CENPW: variants seen among roughly 807,000 people sequenced by gnomAD.
CENPW encodes centromere protein W.
A neutral mutation model predicts 11.1 loss-of-function variants in CENPW; 3 were observed. The ratio of observed to expected loss-of-function variants is 0.27; its 90% confidence interval spans 0.12 to 0.70. CENPW has a LOEUF of 0.70. CENPW is among the 30% of genes least tolerant of loss of function. CENPW has a pLI of 0.77. For synonymous variants in CENPW, 38 were observed against 42.0 expected (o/e 0.91, Z 0.37); for missense variants, 100 against 105.6 (o/e 0.95, Z 0.23).
chr6:126,367,563 A>G, the CENPW span, among the ~76,000 whole-genome samples: 4 of 152,200 alleles, frequency 2.6e-5, no homozygotes, highest in Non-Finnish European at 5.9e-5. Context: ...GAGTAACTCC[A>G]GATTAGAGTG....
chr6:126,450,895 C>G, the CENPW span, among the ~76,000 whole-genome samples: 1 of 150,376 alleles, frequency 6.6e-6, no homozygotes, highest in African/African-American at 2.4e-5. Flanking sequence ...TGGTGAATTC[C>G]CATTGTCAGT....
the CENPW span, among the ~76,000 whole-genome samples, chr6:126,465,062 G>C: frequency 1.3e-5 from 2 of 151,928 alleles, no homozygotes; most frequent in African/African-American, 2.4e-5. Flanking sequence ...TGAAAATAAA[G>C]AAGCAAAACT....
chr6:126,406,957 T>C, the CENPW span, among the ~76,000 whole-genome samples: 2 of 152,106 alleles, frequency 1.3e-5, no homozygotes, highest in Non-Finnish European at 2.9e-5. Flanking sequence ...AGTTCCAGGG[T>C]ACATGTGCAG....
the CENPW span, among the ~76,000 whole-genome samples, chr6:126,428,525 T>C: frequency 1.3e-5 from 2 of 152,160 alleles, no homozygotes; most frequent in Non-Finnish European, 2.9e-5. Flanking sequence ...AAAAGAGATC[T>C]CCTGGAAGAT....
chr6:126,362,539 A>G, the CENPW span, among the ~76,000 whole-genome samples: 81 of 151,970 alleles, frequency 5.3e-4, no homozygotes, highest in Non-Finnish European at 1.0e-3. Context: ...GATCTACCCA[A>G]ATTATGTTGG....
the CENPW span, among the ~76,000 whole-genome samples, chr6:126,444,978 T>C: frequency 6.6e-6 from 1 of 151,092 alleles, no homozygotes; most frequent in Non-Finnish European, 1.5e-5. Context: ...CTCCAAGGCA[T>C]TTCTTCTTAG....
the CENPW span, among the ~76,000 whole-genome samples, chr6:126,415,817 G>A: frequency 2.6e-5 from 4 of 152,198 alleles, no homozygotes; most frequent in Non-Finnish European, 2.9e-5. Context: ...ATGTAGAACT[G>A]TCGGTCCAAT....
At chr6:126,411,455 G>A in the CENPW span, among the ~76,000 whole-genome samples, 1 of 152,274 alleles carries the variant, frequency 6.6e-6, no homozygotes, top group East Asian at 1.9e-4. Context: ...TGAGTTTCAT[G>A]TACAGATGCT....
At chr6:126,363,965 A>T in the CENPW span, among the ~76,000 whole-genome samples, 1 of 152,164 alleles carries the variant, frequency 6.6e-6, no homozygotes, top group Admixed American at 6.5e-5. Flanking sequence ...AATTGTACTT[A>T]CTCAACAGTG....
chr6:126,398,780 C>A, the CENPW span, among the ~76,000 whole-genome samples: 2 of 151,302 alleles, frequency 1.3e-5, no homozygotes, highest in African/African-American at 4.9e-5. Context: ...AAGCATAGTA[C>A]CCAATATATA....
chr6:126,458,321 T>G, the CENPW span, among the ~76,000 whole-genome samples: 1 of 151,312 alleles, frequency 6.6e-6, no homozygotes, highest in Admixed American at 6.6e-5. Flanking sequence ...GCAATCATAC[T>G]ATATGTCCCC....
At chr6:126,354,594 G>A in the CENPW span, among the ~76,000 whole-genome samples, 1 of 152,086 alleles carries the variant, frequency 6.6e-6, no homozygotes, top group Non-Finnish European at 1.5e-5. Flanking sequence ...AATTAAAAGT[G>A]CTAGGTCTCC....
At chr6:126,368,249 A>G in the CENPW span, among the ~76,000 whole-genome samples, 1 of 152,182 alleles carries the variant, frequency 6.6e-6, no homozygotes, top group African/African-American at 2.4e-5. Context: ...CAGGAAGGAA[A>G]AAGCTTTTTA....
At chr6:126,390,621 T>A in the CENPW span, among the ~76,000 whole-genome samples, 2 of 151,750 alleles carry the variant, frequency 1.3e-5, no homozygotes, top group Non-Finnish European at 3.0e-5. Context: ...ACTCCTACCC[T>A]TGCACCACCC....
At chr6:126,447,335 G>C in the CENPW span, among the ~76,000 whole-genome samples, 1 of 151,170 alleles carries the variant, frequency 6.6e-6, no homozygotes, top group African/African-American at 2.4e-5. Flanking sequence ...GGTCAGGAGA[G>C]AATTGTTTTT....
At chr6:126,380,463 G>A in the CENPW span, among the ~76,000 whole-genome samples, 1 of 152,172 alleles carries the variant, frequency 6.6e-6, no homozygotes, top group South Asian at 2.1e-4. Context: ...CTGCTGTTGT[G>A]TGTAATGTTG....
the CENPW span, among the ~76,000 whole-genome samples, chr6:126,407,612 T>C: frequency 6.6e-6 from 1 of 152,220 alleles, no homozygotes; most frequent in East Asian, 1.9e-4. Context: ...TCTTGACTTT[T>C]TAATAATTGC....
At chr6:126,412,367 A>G in the CENPW span, among the ~76,000 whole-genome samples, 1 of 151,646 alleles carries the variant, frequency 6.6e-6, no homozygotes, top group Non-Finnish European at 1.5e-5. Flanking sequence ...AGCAACTTAA[A>G]TATGTTATCC....
the CENPW span, among the ~76,000 whole-genome samples, chr6:126,441,092 T>C: frequency 6.6e-6 from 1 of 151,418 alleles, no homozygotes; most frequent in South Asian, 2.1e-4. Flanking sequence ...CAAGCAGATA[T>C]ACCCAATTAA....
Sources: allele counts gnomAD v4.1 joint callset (sites outside exome capture counted in the v4.1 genomes callset), GRCh38; gene constraint gnomAD v4.1.1; transcripts MANE v1.5; gene names NCBI Gene and HGNC (gene_info 2026-07-23, HGNC 2026-07-21).